The following ANKIB1 variants were observed in gnomAD, a reference collection of about 807,000 sequenced individuals.
The protein encoded by ANKIB1 is ankyrin repeat and IBR domain-containing protein 1.
A neutral mutation model predicts 122.1 loss-of-function variants in ANKIB1; 43 were observed. The observed-to-expected ratio is 0.35, with a 90% CI of 0.28 to 0.45. The LOEUF (loss-of-function observed/expected upper bound fraction) is 0.45, where lower values mean the gene tolerates loss of function less well. Ranked by LOEUF, ANKIB1 falls within the 20% of genes least tolerant of loss-of-function variation. The probability of loss-of-function intolerance (pLI) is 1.00; values close to 1 mark genes in which losing one functional copy is unlikely to be tolerated. For synonymous variants in ANKIB1, 390 were observed against 442.0 expected (o/e 0.88, Z 1.48); for missense variants, 992 against 1,329.5 (o/e 0.75, Z 3.95).
intron 1 of ANKIB1, among the ~76,000 whole-genome samples, chr7:92,271,883 T>C (rs1254124501): frequency 6.6e-6 from 1 of 152,116 alleles, no homozygotes; most frequent in Non-Finnish European, 1.5e-5. Context: ...GGAAATGAAA[T>C]GGACAGGCAG....
chr7:92,346,250 C>T (rs1305054957), intron 7 of ANKIB1, among the ~76,000 whole-genome samples: 1 of 152,022 alleles, frequency 6.6e-6, no homozygotes, highest in African/African-American at 2.4e-5. Flanking sequence ...TTGCCTCTGC[C>T]TTCCCAGTAA....
chr7:92,291,725 C>T (rs775222555), intron 1 of ANKIB1, among the ~76,000 whole-genome samples: 82 of 151,776 alleles, frequency 5.4e-4, no homozygotes, highest in Non-Finnish European at 8.5e-4. Flanking sequence ...TACAGGCACC[C>T]GCCACCACGC....
rs1802537931 is a variant in ANKIB1, at chr7:92,305,254, C to T, written c.189-2105C>T. Reference sequence around the variant, plus strand: ...ATTATGTAACTTGCCCAAGGTGACACAGCTAGAAAGTGACAGAACTAGGAT... The same window carrying T: ...ATTATGTAACTTGCCCAAGGTGACATAGCTAGAAAGTGACAGAACTAGGAT... On this transcript the variant is annotated intron_variant, in intron 2 of 19. Transcript: ENST00000265742. 2.6e-5 allele frequency among the ~76,000 whole-genome samples: 4 copies of T among 152,304 alleles called. No individual in the cohort carries two copies. The South Asian group carries it at 8.3e-4, about 32-fold the overall frequency.
chr7:92,303,937 C>T (rs551273106), intron 2 of ANKIB1, among the ~76,000 whole-genome samples: 4 of 152,176 alleles, frequency 2.6e-5, no homozygotes, highest in South Asian at 2.1e-4. Flanking sequence ...TAGAAAAGCA[C>T]GTGGCTCCTG....
chr7:92,273,587 TA>T (rs1801841738), intron 1 of ANKIB1, among the ~76,000 whole-genome samples: 1 of 152,058 alleles, frequency 6.6e-6, no homozygotes. Flanking sequence ...GAAGTAAATG[TA>T]GGGAAAACAG....
At chr7:92,382,855 C>G (rs1472510944) in intron 11 of ANKIB1, among the ~76,000 whole-genome samples, 3 of 152,016 alleles carry the variant, frequency 2.0e-5, no homozygotes, top group Non-Finnish European at 2.9e-5. Context: ...CAAACACATT[C>G]AAAAGCTAGC....
Position 92,398,243 on chromosome 7 carries a change from A to G in ANKIB1, c.2564A>G (p.Asn855Ser), listed in dbSNP as rs182653716. The G allele has an allele frequency of 1.8e-4, 295 of 1,610,400 alleles. 1 individual carries two copies. In the East Asian group the frequency reaches 4.6e-3, roughly 25 times the overall value. ...ALSSLDEDDP[N>S]ILLAIQLSLQ... ...AGTTCCTTGGATGAAGACGATCCCA[A>G]TATACTTCTTGCAATACAGTTATCA... Residue 855 changes from asparagine (N) to serine (S), a missense_variant, in exon 20 of 20, where the codon AAT becomes AGT. By Grantham distance (46) the Asn-to-Ser change is conservative. Transcript: ENST00000265742.
rs756585740 is a variant in ANKIB1 at position 92,371,640 on chromosome 7, C to T, written c.1617+33C>T. ...GTTAAAGAGGATTTTGCATGCTTTG[C>T]ATTTGGAATCTTAATTTAGTTTGAT... On this transcript the variant is annotated intron_variant, in intron 11 of 19. Coordinates refer to ENST00000265742, the MANE Select transcript of ANKIB1 (RefSeq NM_019004.2). The T allele has an allele frequency of 7.0e-6, 11 of 1,571,790 alleles. No homozygotes were observed. The East Asian group carries it at 2.1e-4, about 30-fold the overall frequency.
chr7:92,375,982 G>A (rs1804370329), intron 11 of ANKIB1, among the ~76,000 whole-genome samples: 1 of 152,170 alleles, frequency 6.6e-6, no homozygotes, highest in Non-Finnish European at 1.5e-5. Flanking sequence ...CATGTGCATT[G>A]CCAATGAGCA....
intron 4 of ANKIB1, among the ~76,000 whole-genome samples, chr7:92,324,076 A>G (rs1802971835): frequency 6.6e-6 from 1 of 152,180 alleles, no homozygotes; most frequent in Non-Finnish European, 1.5e-5. Context: ...GAAGAGAAGG[A>G]GTGACTGCTT....
chr7:92,385,959 C>T (rs1363819908), intron 11 of ANKIB1, among the ~76,000 whole-genome samples: 1 of 152,098 alleles, frequency 6.6e-6, no homozygotes, highest in Non-Finnish European at 1.5e-5. Flanking sequence ...TTAACTGACT[C>T]AAAATCCTAA....
At chr7:92,251,921 A>G (rs184829326) in intron 1 of ANKIB1, among the ~76,000 whole-genome samples, 17 of 152,262 alleles carry the variant, frequency 1.1e-4, no homozygotes, top group Admixed American at 8.5e-4. Context: ...GTTGGTTGTT[A>G]TGTCTGTTCG....
chr7:92,373,710 C>T (rs542217629), intron 11 of ANKIB1, among the ~76,000 whole-genome samples: 3 of 152,270 alleles, frequency 2.0e-5, no homozygotes, highest in South Asian at 2.1e-4. Flanking sequence ...CATGCACTGA[C>T]ATAATTGGTA....
At chr7:92,309,942 A>AAAAAAAAAAATATATATATATAT (rs1335765681) in intron 3 of ANKIB1, among the ~76,000 whole-genome samples, 4 of 91,782 alleles carry the variant, frequency 4.4e-5, no homozygotes, top group East Asian at 4.6e-4. Flanking sequence ...AAAAAAAAAA[A>AAAAAAAAAAATATATATATATAT]ATATATATAT....
intron 1 of ANKIB1, among the ~76,000 whole-genome samples, chr7:92,290,885 G>T (rs1304766134): frequency 1.3e-5 from 2 of 152,138 alleles, no homozygotes; most frequent in African/African-American, 4.8e-5. Context: ...GTTGTTGTGG[G>T]TTGAAGGGGA....
chr7:92,347,387 C>T (rs1803563791), intron 7 of ANKIB1, among the ~76,000 whole-genome samples: 1 of 151,900 alleles, frequency 6.6e-6, no homozygotes, highest in African/African-American at 2.4e-5. Flanking sequence ...CCAGTGTGGC[C>T]CAGAAAAGCC....
At chr7:92,386,752 ATACTT>A in intron 12 of ANKIB1, 109 bp downstream of exon 12, 1 of 1,032,886 alleles carries the variant, frequency 9.7e-7, no homozygotes, top group South Asian at 3.3e-5. Flanking sequence ...TAAATTGAAT[ATACTT>A]TATTATAGCC....
intron 4 of ANKIB1, among the ~76,000 whole-genome samples, chr7:92,324,370 AT>A (rs1470854495): frequency 1.3e-5 from 2 of 152,146 alleles, no homozygotes; most frequent in African/African-American, 4.8e-5. Context: ...AGTAGCTGGG[AT>A]TACAGGCGCC....
chr7:92,264,160 CG>C (rs1019457654), intron 1 of ANKIB1, among the ~76,000 whole-genome samples: 6 of 141,250 alleles, frequency 4.2e-5, no homozygotes, highest in African/African-American at 1.3e-4. Flanking sequence ...TTTTCGTCGT[CG>C]TTTTTTTTTT....
Sources: allele counts gnomAD v4.1 joint callset (sites outside exome capture counted in the v4.1 genomes callset), GRCh38; gene constraint gnomAD v4.1.1; transcripts MANE v1.5; gene names NCBI Gene and HGNC (gene_info 2026-07-23, HGNC 2026-07-21).